SMAD1: variants seen among roughly 807,000 people sequenced by gnomAD.
SMAD1 encodes the protein SMAD family member 1, also known as MAD, mothers against decapentaplegic homolog 1.
Under a neutral mutation model 41.6 loss-of-function variants are expected in SMAD1, and 6 were observed. That is an observed-to-expected ratio of 0.14 (90% CI 0.08 to 0.28). The LOEUF (loss-of-function observed/expected upper bound fraction) is 0.28, where lower values mean the gene tolerates loss of function less well. Among genes scored for constraint, SMAD1 ranks in the 10% least tolerant of loss-of-function variants. SMAD1 has a pLI of 1.00. For missense variants in SMAD1, 379 were observed against 582.6 expected, an observed-to-expected ratio of 0.65 and a Z score of 3.60; for synonymous variants, 206 against 203.2, an observed-to-expected ratio of 1.01 and a Z score of -0.12.
At chr4:145,491,237 T>C (rs1728751597) in intron 1 of SMAD1, among the ~76,000 whole-genome samples, 2 of 152,070 alleles carry the variant, frequency 1.3e-5, no homozygotes, top group Admixed American at 1.3e-4. Context: ...ATAGAAAAAT[T>C]GGTAGTGGAC....
At chr4:145,500,465 A>T (rs760449344) in intron 1 of SMAD1, among the ~76,000 whole-genome samples, 12 of 152,034 alleles carry the variant, frequency 7.9e-5, no homozygotes, top group Non-Finnish European at 1.2e-4. Context: ...AATGGCTCAA[A>T]TGGCTTTTGC....
At chr4:145,523,321 A>G (rs908999893) in intron 2 of SMAD1, among the ~76,000 whole-genome samples, 3 of 152,202 alleles carry the variant, frequency 2.0e-5, no homozygotes, top group African/African-American at 7.2e-5. Flanking sequence ...AGGAGTCACC[A>G]CAGAAAAGCT....
In SMAD1 at chr4:145,546,728, A is replaced by T. The variant is rs1732272289; in HGVS notation, c.801A>T (p.Glu267Asp). 2 of 1,613,504 alleles carry T rather than the reference A, an allele frequency of 1.2e-6. No homozygotes were observed. Among genetic ancestry groups the T allele is most frequent in the Non-Finnish European group, 1.7e-6 (2 of 1,179,958 alleles). ...ATGTTCAGGCGGTTGCTTATGAGGA[A>T]CCAAAACACTGGTGCTCTATTGTCT... ...RGDVQAVAYE[E>D]PKHWCSIVYY... The change falls in exon 5 of 7, where the codon GAA (glutamate) becomes GAT (aspartate). Residue 267 changes from glutamate (E) to aspartate (D), a missense_variant. Around this residue, in one of 3 missense-constraint regions of SMAD1, gnomAD observed 208 missense variants for 210.5 expected, o/e 0.99. Coordinates refer to ENST00000302085, the MANE Select transcript of SMAD1 (RefSeq NM_005900.3).
chr4:145,516,846 A>G (rs1285988646), intron 2 of SMAD1, among the ~76,000 whole-genome samples: 4 of 152,190 alleles, frequency 2.6e-5, no homozygotes, highest in Admixed American at 6.5e-5. Context: ...TACATAGGTA[A>G]GATTTTAATT....
intron 1 of SMAD1, among the ~76,000 whole-genome samples, chr4:145,501,172 A>G (rs944628179): frequency 6.6e-6 from 1 of 152,244 alleles, no homozygotes; most frequent in Non-Finnish European, 1.5e-5. Flanking sequence ...TGTAAAATAA[A>G]TGGTTAACTT....
chr4:145,517,508 G>A (rs1730481394), intron 2 of SMAD1, among the ~76,000 whole-genome samples: 1 of 152,072 alleles, frequency 6.6e-6, no homozygotes, highest in African/African-American at 2.4e-5. Context: ...TGATTGTTCT[G>A]TTGGTCTTCT....
At chr4:145,554,638 A>C (rs1732739512) in intron 6 of SMAD1, among the ~76,000 whole-genome samples, 1 of 152,190 alleles carries the variant, frequency 6.6e-6, no homozygotes, top group African/African-American at 2.4e-5. Flanking sequence ...AGGTTTGATG[A>C]GGGAAGAGGT....
At position 145,539,952 on chromosome 4, in the gene SMAD1, G is replaced by C; in HGVS notation, c.549G>C (p.Pro183=). 6.2e-7 allele frequency: 1 copy of C among 1,613,862 alleles called. No individual in the cohort carries two copies. Among genetic ancestry groups the C allele is most frequent in the Non-Finnish European group, 8.5e-7 (1 of 1,179,944 alleles). ...PDSFQQPNSH[P]FPHSPNSSYP... ...CTTTCCAGCAACCCAACAGCCACCCGTTTCCTCACTCTCCCAATAGCAGTT... is the reference window on the plus strand; with the variant it reads ...CTTTCCAGCAACCCAACAGCCACCCCTTTCCTCACTCTCCCAATAGCAGTT... The change falls in exon 3 of 7, where the codon CCG becomes CCC. Residue 183 remains proline (P), a synonymous_variant. Transcript: ENST00000302085.
chr4:145,480,941 C>A (rs1173014093), upstream of SMAD1, among the ~76,000 whole-genome samples: 4 of 120,802 alleles, frequency 3.3e-5, no homozygotes, highest in South Asian at 5.2e-4. Flanking sequence ...TTTTTTGCTT[C>A]ATGTGAAATT....
At chr4:145,499,621 A>T (rs781702463) in intron 1 of SMAD1, among the ~76,000 whole-genome samples, 3 of 152,212 alleles carry the variant, frequency 2.0e-5, no homozygotes, top group Non-Finnish European at 4.4e-5. Context: ...TCTCAAGAAA[A>T]AAAGAAAAAT....
At chr4:145,546,505 T>C (rs1321940078) in intron 4 of SMAD1, 198 bp from the exon 5 acceptor site, 1 of 557,852 alleles carries the variant, frequency 1.8e-6, no homozygotes, top group African/African-American at 1.9e-5. Context: ...TCCAATTTTC[T>C]CCAATTAGGA....
intron 2 of SMAD1, among the ~76,000 whole-genome samples, chr4:145,531,456 G>A (rs1355412403): frequency 6.6e-6 from 1 of 152,038 alleles, no homozygotes; most frequent in East Asian, 1.9e-4. Flanking sequence ...TCTGTCCCTA[G>A]CCCTGGGCCT....
chr4:145,543,151 G>C (rs1732048817), intron 4 of SMAD1, among the ~76,000 whole-genome samples: 1 of 152,150 alleles, frequency 6.6e-6, no homozygotes, highest in Non-Finnish European at 1.5e-5. Context: ...ATTTTTAGTA[G>C]AGACAGGGTT....
intron 4 of SMAD1, 32 bp from the exon 5 acceptor site, chr4:145,546,671 C>T: frequency 6.5e-7 from 1 of 1,529,498 alleles, no homozygotes; most frequent in South Asian, 1.1e-5. Context: ...GAGGCACTAA[C>T]CTTGGTTGAT....
chr4:145,483,458 A>C (rs964162038), intron 1 of SMAD1, among the ~76,000 whole-genome samples: 1 of 152,122 alleles, frequency 6.6e-6, no homozygotes, highest in Non-Finnish European at 1.5e-5. Flanking sequence ...AATTACTTTA[A>C]ATTGTATTGA....
intron 2 of SMAD1, chr4:145,525,933 T>A (rs937447536): frequency 1.3e-5 from 2 of 152,262 alleles, no homozygotes; most frequent in Admixed American, 1.3e-4. Flanking sequence ...CTCTAAATTG[T>A]AATGTTCATG....
chr4:145,486,349 T>C (rs1310099370), intron 1 of SMAD1, among the ~76,000 whole-genome samples: 1 of 152,238 alleles, frequency 6.6e-6, no homozygotes, highest in Non-Finnish European at 1.5e-5. Context: ...CACAAACTGA[T>C]ATTAAGTTAG....
chr4:145,494,328 T>A (rs1009771616), intron 1 of SMAD1, among the ~76,000 whole-genome samples: 4 of 152,202 alleles, frequency 2.6e-5, no homozygotes, highest in Non-Finnish European at 5.9e-5. Context: ...ATAGTGTATC[T>A]CTTAGACAGC....
chr4:145,524,726 C>T (rs1360737052), intron 2 of SMAD1, among the ~76,000 whole-genome samples: 2 of 151,826 alleles, frequency 1.3e-5, no homozygotes, highest in African/African-American at 4.8e-5. Context: ...TGTCTTCCAC[C>T]CTCCATTGCT....
Sources: gnomAD v4.1 joint callset for allele counts (sites outside exome capture counted in the v4.1 genomes callset) on GRCh38, gnomAD v4.1.1 for gene constraint, gnomAD v4.1.1 regional missense constraint, MANE v1.5 for transcripts, NCBI Gene and HGNC (gene_info 2026-07-23, HGNC 2026-07-21) for gene names.